FGF14: variants seen among roughly 807,000 people sequenced by gnomAD.
The protein encoded by FGF14 is fibroblast growth factor homologous factor 4.
A neutral mutation model predicts 25.5 loss-of-function variants in FGF14; 5 were observed. That is an observed-to-expected ratio of 0.20 (90% CI 0.10 to 0.41). The LOEUF (loss-of-function observed/expected upper bound fraction) is 0.41, where lower values mean the gene tolerates loss of function less well. FGF14 is among the 10% of genes least tolerant of loss of function. The pLI is 1.00. For synonymous variants in FGF14, 138 were observed against 118.3 expected, an observed-to-expected ratio of 1.17 and a Z score of -1.08; for missense variants, 222 against 320.1, an observed-to-expected ratio of 0.69 and a Z score of 2.34.
intron 1 of FGF14, among the ~76,000 whole-genome samples, chr13:102,080,649 A>G (rs2043575246): frequency 6.6e-6 from 1 of 152,234 alleles, no homozygotes; most frequent in African/African-American, 2.4e-5. Context: ...GTAAGTGATT[A>G]CAACCTAAAA....
intron 1 of FGF14, among the ~76,000 whole-genome samples, chr13:102,114,317 A>T (rs2045364652): frequency 6.6e-6 from 1 of 152,200 alleles, no homozygotes; most frequent in South Asian, 2.1e-4. Context: ...TCAACCCTTT[A>T]TCAGATACAT....
upstream of FGF14, among the ~76,000 whole-genome samples, chr13:101,920,573 TATC>T (rs1050681322): frequency 1.1e-4 from 17 of 152,324 alleles, no homozygotes; most frequent in Middle Eastern, 3.4e-3. Flanking sequence ...ATGACTGTAT[TATC>T]ATCATCTTCC....
chr13:101,850,336 C>T lies in FGF14; in HGVS notation c.408+18389G>A, dbSNP rs371674948. On this transcript the variant is annotated intron_variant, in intron 3 of 4. Coordinates refer to ENST00000376143, the MANE Select transcript of FGF14 (RefSeq NM_004115.4). ...GGGCATAGTGGCAGGCGCCTGTTGT[C>T]CCAGCTCCTCGGGAGGCTGAGATAG... 1.5e-4 allele frequency among the ~76,000 whole-genome samples: 21 copies of T among 144,822 alleles called. No homozygotes were observed. In the South Asian group the frequency reaches 4.5e-3, roughly 31 times the overall value.
intron 1 of FGF14, among the ~76,000 whole-genome samples, chr13:102,023,506 T>C (rs2040775541): frequency 6.6e-6 from 1 of 152,062 alleles, no homozygotes; most frequent in African/African-American, 2.4e-5. Context: ...TTCTTTAGTA[T>C]ATTCTTGTGG....
At chr13:102,069,545 A>T (rs1284169498) in intron 1 of FGF14, among the ~76,000 whole-genome samples, 1 of 152,142 alleles carries the variant, frequency 6.6e-6, no homozygotes, top group African/African-American at 2.4e-5. Context: ...CTCACCAGGA[A>T]GATCTGCAGC....
chr13:101,763,795 G>A (rs1290991589), intron 3 of FGF14, among the ~76,000 whole-genome samples: 1 of 152,154 alleles, frequency 6.6e-6, no homozygotes, highest in Non-Finnish European at 1.5e-5. Flanking sequence ...GGGAGGCGGA[G>A]GTTGCAGTGA....
intron 1 of FGF14, among the ~76,000 whole-genome samples, chr13:102,329,923 C>T (rs576458547): frequency 1.1e-4 from 17 of 152,116 alleles, no homozygotes; most frequent in Non-Finnish European, 2.1e-4. Context: ...ACTCTGATCA[C>T]ATTTAAACCT....
chr13:101,809,735 G>T (rs2041392059), intron 3 of FGF14, among the ~76,000 whole-genome samples: 1 of 152,138 alleles, frequency 6.6e-6, no homozygotes, highest in African/African-American at 2.4e-5. Flanking sequence ...GTTTCTGAAT[G>T]CTGTGTAGAT....
At chr13:102,028,725 T>G (rs1344333211) in intron 1 of FGF14, among the ~76,000 whole-genome samples, 2 of 152,016 alleles carry the variant, frequency 1.3e-5, no homozygotes, top group Non-Finnish European at 2.9e-5. Context: ...TGTTTTGTTT[T>G]TCATCTTTAA....
chr13:102,401,006 G>A (rs1321375164), intron 1 of FGF14, among the ~76,000 whole-genome samples: 2 of 152,132 alleles, frequency 1.3e-5, no homozygotes, highest in Non-Finnish European at 2.9e-5. Context: ...TGGTAAAGGT[G>A]ATCGTGGTGG....
At chr13:102,047,709 T>C (rs913928844) in intron 1 of FGF14, among the ~76,000 whole-genome samples, 1 of 151,968 alleles carries the variant, frequency 6.6e-6, no homozygotes, top group African/African-American at 2.4e-5. Context: ...GGGATAGCAT[T>C]AGGAGATATA....
chr13:102,381,204 A>G (rs1351847555), intron 1 of FGF14, among the ~76,000 whole-genome samples: 1 of 152,200 alleles, frequency 6.6e-6, no homozygotes, highest in Non-Finnish European at 1.5e-5. Context: ...AAGTCAAACC[A>G]TTCTAAGTCA....
chr13:102,178,525 T>A (rs9585869), intron 1 of FGF14, among the ~76,000 whole-genome samples: 148 of 152,280 alleles, frequency 9.7e-4, no homozygotes, highest in African/African-American at 3.4e-3. Context: ...CATTAAGTAA[T>A]TTTTTGTCTG....
chr13:102,278,636 A>G, intron 1 of FGF14, among the ~76,000 whole-genome samples: 1 of 150,242 alleles, frequency 6.7e-6, no homozygotes, highest in South Asian at 2.1e-4. Context: ...TAATATATAT[A>G]TATATATATA....
At chr13:102,257,492 T>C (rs1179248226) in intron 1 of FGF14, among the ~76,000 whole-genome samples, 2 of 151,484 alleles carry the variant, frequency 1.3e-5, no homozygotes, top group South Asian at 2.1e-4. Flanking sequence ...GTTGGGACTA[T>C]AGGCATACAT....
intron 1 of FGF14, among the ~76,000 whole-genome samples, chr13:102,329,328 T>C (rs928908857): frequency 2.0e-5 from 3 of 152,172 alleles, no homozygotes; most frequent in Non-Finnish European, 2.9e-5. Context: ...GCTGCTTTTT[T>C]TCCACATGAC....
At chr13:101,783,433 G>T (rs898208406) in intron 3 of FGF14, among the ~76,000 whole-genome samples, 3 of 150,354 alleles carry the variant, frequency 2.0e-5, no homozygotes, top group African/African-American at 7.3e-5. Flanking sequence ...TTGCACCACT[G>T]CACTCCAGCC....
At chr13:102,306,680 A>G (rs1161053724) in intron 1 of FGF14, among the ~76,000 whole-genome samples, 1 of 152,190 alleles carries the variant, frequency 6.6e-6, no homozygotes, top group African/African-American at 2.4e-5. Context: ...AAGGGCCCAT[A>G]AGGCCAAAAG....
chr13:101,917,894 C>T (rs1255305768), upstream of FGF14, among the ~76,000 whole-genome samples: 1 of 152,052 alleles, frequency 6.6e-6, no homozygotes, highest in Non-Finnish European at 1.5e-5. Flanking sequence ...GTAGGATAAA[C>T]GCCCAGGAGA....
Sources: allele counts gnomAD v4.1 joint callset (sites outside exome capture counted in the v4.1 genomes callset), GRCh38; gene constraint gnomAD v4.1.1; transcripts MANE v1.5; gene names NCBI Gene and HGNC (gene_info 2026-07-23, HGNC 2026-07-21).